HSPBAP1: variants seen among roughly 807,000 people sequenced by gnomAD.
The protein encoded by HSPBAP1 is HSPB1-associated protein 1.
HSPBAP1 carries 27 observed loss-of-function variants against 45.2 expected under a neutral mutation model. The observed-to-expected ratio is 0.60, with a 90% CI of 0.44 to 0.82. The LOEUF is 0.82. Among genes scored for constraint, HSPBAP1 ranks in the 40% least tolerant of loss-of-function variants. The pLI, the probability that HSPBAP1 is intolerant of heterozygous loss-of-function variation, is 0.00. For missense variants in HSPBAP1, 510 were observed against 590.9 expected (o/e 0.86, Z 1.42); for synonymous variants, 204 against 202.7 (o/e 1.01, Z -0.06).
At chr3:122,760,848 A>C (rs918657297) in intron 3 of HSPBAP1, among the ~76,000 whole-genome samples, 1 of 152,230 alleles carries the variant, frequency 6.6e-6, no homozygotes, top group Non-Finnish European at 1.5e-5. Context: ...GATGGTTAAA[A>C]TAGTTCAGGC....
At chr3:122,743,656 A>AT (rs1409393586) in intron 6 of HSPBAP1, among the ~76,000 whole-genome samples, 1 of 152,226 alleles carries the variant, frequency 6.6e-6, no homozygotes, top group Non-Finnish European at 1.5e-5. Flanking sequence ...GTCATATGGT[A>AT]TATCAGTCAA....
chr3:122,783,311 C>T (rs761031997), intron 1 of HSPBAP1, among the ~76,000 whole-genome samples: 35 of 152,222 alleles, frequency 2.3e-4, no homozygotes, highest in Non-Finnish European at 4.7e-4. Context: ...TCCTTCCATA[C>T]AGGCCTATGA....
At chr3:122,752,906 C>A in intron 5 of HSPBAP1, 1 of 1,227,948 alleles carries the variant, frequency 8.1e-7, no homozygotes. Flanking sequence ...CATCTCTATT[C>A]TCTTTAATCC....
chr3:122,756,992 G>C (rs184608274), intron 4 of HSPBAP1, among the ~76,000 whole-genome samples: 10 of 152,224 alleles, frequency 6.6e-5, no homozygotes, highest in Admixed American at 5.2e-4. Context: ...TCACTCACTG[G>C]GGTAGTGGTG....
intron 6 of HSPBAP1, among the ~76,000 whole-genome samples, chr3:122,751,414 A>AAG (rs2107504451): frequency 6.6e-6 from 1 of 152,332 alleles, no homozygotes; most frequent in South Asian, 2.1e-4. Context: ...CCTGTATCTT[A>AAG]AAGTTGCCTG....
intron 1 of HSPBAP1, among the ~76,000 whole-genome samples, chr3:122,791,831 A>G (rs1935839250): frequency 6.6e-6 from 1 of 152,250 alleles, no homozygotes; most frequent in Admixed American, 6.5e-5. Flanking sequence ...TCTGGGTTTT[A>G]TTCTAACTTC....
Position 122,751,689 on chromosome 3 carries a change from A to G in HSPBAP1, c.825+902T>C, listed in dbSNP as rs137884529. 5.0e-3 allele frequency among the ~76,000 whole-genome samples: 760 copies of G among 152,238 alleles called. 9 individuals carry two copies. The highest frequency in any genetic ancestry group is 0.016 in the African/African-American group (685 of 41,550). On this transcript the variant is annotated intron_variant, in intron 6 of 7. Transcript: ENST00000306103. ...GGAGTGGAAGTTCTCCATGGATTCTACCTTGACATCTGCTGCAACTCCAGT... is the reference window on the plus strand; with the variant it reads ...GGAGTGGAAGTTCTCCATGGATTCTGCCTTGACATCTGCTGCAACTCCAGT...
chr3:122,791,790 A>G (rs1409617291), intron 1 of HSPBAP1, among the ~76,000 whole-genome samples: 2 of 152,216 alleles, frequency 1.3e-5, no homozygotes, highest in Non-Finnish European at 2.9e-5. Context: ...CAGAGCCCAG[A>G]CCAAGGATTA....
chr3:122,740,785 C>A lies in HSPBAP1; in HGVS notation c.1027G>T (p.Glu343Ter), dbSNP rs750205834. 3.7e-6 allele frequency: 6 copies of A among 1,613,980 alleles called. No homozygotes were observed. The highest frequency in any genetic ancestry group is 5.1e-6 in the Non-Finnish European group (6 of 1,180,054). ...FDRCRTSEVV[E>*]IQALRTDGEH... ...CCATCTGTTCTCAGTGCTTGGATTT[C>A]TACTACCTCAGATGTTCTGCAGCGA... is the stretch of plus-strand genomic sequence containing the variant. Residue 343 changes from glutamate (E) to a stop codon, truncating the protein, a stop_gained, in exon 8 of 8, where the codon GAA (glutamate) becomes TAA (stop). Transcript: ENST00000306103. LOFTEE classifies it low-confidence loss of function (END_TRUNC).
intron 6 of HSPBAP1, among the ~76,000 whole-genome samples, chr3:122,742,011 C>G (rs1933688229): frequency 6.6e-6 from 1 of 151,850 alleles, no homozygotes; most frequent in African/African-American, 2.4e-5. Flanking sequence ...CAATACCACT[C>G]TGAGATTTAT....
At chr3:122,764,683 A>C (rs1206281343) in intron 3 of HSPBAP1, among the ~76,000 whole-genome samples, 1 of 152,224 alleles carries the variant, frequency 6.6e-6, no homozygotes, top group African/African-American at 2.4e-5. Context: ...TTTGTTTTGA[A>C]CATTTTGTTC....
rs1935238817 is a variant in HSPBAP1 at position 122,777,821 on chromosome 3, C to T, written c.150G>A (p.Val50=). 6.2e-7 allele frequency: 1 copy of T among 1,613,882 alleles called. No homozygotes were observed. The highest frequency in any genetic ancestry group is 2.2e-5 in the East Asian group (1 of 44,880). The change falls in exon 2 of 8, where the codon GTG becomes GTA. Residue 50 remains valine (V), a synonymous_variant. Coordinates refer to ENST00000306103, the MANE Select transcript of HSPBAP1 (RefSeq NM_024610.6). ...TCCAGTGTCGTGCTGGCCAATCAAA[C>T]ACCATGTTACAGAAGATTGCAGGTT... ...LQQPAIFCNM[V]FDWPARHWNA... is the part of the protein sequence containing the mutation.
Position 122,740,133 on chromosome 3 carries a change from G to A in HSPBAP1, c.*212C>T. On this transcript the variant is annotated 3_prime_UTR_variant, in exon 8 of 8. Coordinates refer to ENST00000306103, the MANE Select transcript of HSPBAP1 (RefSeq NM_024610.6). ...CAGGCTAAAAGTATGGGATGAGAGA[G>A]GAACAAAAGCTTACAAACAAAGAGC... 1 of 334,048 alleles carries A rather than the reference G, an allele frequency of 3.0e-6. No individual in the cohort carries two copies. Among genetic ancestry groups the A allele is most frequent in the Admixed American group, 4.3e-5 (1 of 23,092 alleles). 20.7% of individuals were successfully genotyped at this position (334,048 alleles called of 1,614,324 possible).
chr3:122,793,742 G>GT lies in HSPBAP1; in HGVS notation c.-63dup. The GT allele has an allele frequency of 6.6e-7, 1 of 1,512,694 alleles. No individual in the cohort carries two copies. The highest frequency in any genetic ancestry group is 1.4e-5 in the African/African-American group (1 of 73,224). The allele number at this position is 1,512,694 out of a possible 1,614,324, so 93.7% of individuals were successfully genotyped here. ...GGAGCGGAGCTGGGGTGGGGTCAGA[G>GT]TAGGGGCCAAACTCCGAGACCCGAA... On this transcript the variant is annotated 5_prime_UTR_variant, in exon 1 of 8. Coordinates refer to ENST00000306103, the MANE Select transcript of HSPBAP1 (RefSeq NM_024610.6).
At chr3:122,764,539 G>T (rs1444097213) in intron 3 of HSPBAP1, among the ~76,000 whole-genome samples, 1 of 152,112 alleles carries the variant, frequency 6.6e-6, no homozygotes, top group Non-Finnish European at 1.5e-5. Context: ...ATACTAATAT[G>T]ATTGGAAAAT....
chr3:122,765,879 C>T (rs946914972), intron 3 of HSPBAP1, among the ~76,000 whole-genome samples: 1 of 152,122 alleles, frequency 6.6e-6, no homozygotes, highest in Non-Finnish European at 1.5e-5. Context: ...TATACTGCAA[C>T]TAATGAACCT....
chr3:122,753,028 AC>A, intron 5 of HSPBAP1: 2 of 990,752 alleles, frequency 2.0e-6, no homozygotes, highest in Non-Finnish European at 2.4e-6. Flanking sequence ...CATAGGTAAA[AC>A]ACATAGGACG....
chr3:122,740,709 C>T lies in HSPBAP1; in HGVS notation c.1103G>A (p.Gly368Asp), dbSNP rs1212237628. Residue 368 changes from glycine (G) to aspartate (D), a missense_variant, in exon 8 of 8, where the codon GGC becomes GAC. By Grantham distance (94) the Gly-to-Asp change is moderately conservative (BLOSUM62 -1). Coordinates refer to ENST00000306103, the MANE Select transcript of HSPBAP1 (RefSeq NM_024610.6). ...GGTCAAGTTCTGGCTACCTGTTTGGCCCACCTCCATGTGGTTGCACACATT... is the reference window on the plus strand; with the variant it reads ...GGTCAAGTTCTGGCTACCTGTTTGGTCCACCTCCATGTGGTTGCACACATT... ...ELNVCNHMEV[G>D]QTGSQNLTTG... 6.2e-7 allele frequency: 1 copy of T among 1,614,008 alleles called. No individual in the cohort carries two copies. Among genetic ancestry groups the T allele is most frequent in the Non-Finnish European group, 8.5e-7 (1 of 1,180,026 alleles).
chr3:122,763,510 G>T (rs527549418), intron 3 of HSPBAP1, among the ~76,000 whole-genome samples: 4 of 151,734 alleles, frequency 2.6e-5, no homozygotes, highest in African/African-American at 9.7e-5. Context: ...CCACTGTCTC[G>T]ACACTAGCAG....
Sources: gnomAD v4.1 joint callset for allele counts (sites outside exome capture counted in the v4.1 genomes callset) on GRCh38, gnomAD v4.1.1 for gene constraint, MANE v1.5 for transcripts, NCBI Gene and HGNC (gene_info 2026-07-23, HGNC 2026-07-21) for gene names.